Variants in FBXL5 observed in about 807,000 individuals in gnomAD.
FBXL5 encodes the protein F-box and leucine rich repeat protein 5, also known as F-box/LRR-repeat protein 5.
A neutral mutation model predicts 78.3 loss-of-function variants in FBXL5; 26 were observed. The observed-to-expected ratio is 0.33, with a 90% confidence interval of 0.24 to 0.46. The LOEUF (loss-of-function observed/expected upper bound fraction) is 0.46. Ranked by LOEUF, FBXL5 falls within the 20% of genes least tolerant of loss-of-function variation. The pLI is 1.00. For missense variants in FBXL5, 710 were observed against 829.2 expected, an observed-to-expected ratio of 0.86 and a Z score of 1.77; for synonymous variants, 295 against 282.5, an observed-to-expected ratio of 1.04 and a Z score of -0.45.
At chr4:15,612,490 A>G in intron 9 of FBXL5, 76 bp from the exon 10 acceptor site, 1 of 1,315,590 alleles carries the variant, frequency 7.6e-7, no homozygotes. Context: ...TCACTGAACC[A>G]CTATTTTACA....
intron 1 of FBXL5, among the ~76,000 whole-genome samples, chr4:15,666,897 G>A (rs1416298568): frequency 1.3e-5 from 2 of 151,622 alleles, no homozygotes; most frequent in African/African-American, 4.9e-5. Flanking sequence ...GGCAAATGGA[G>A]TGCTAAATGT....
chr4:15,604,716 A>G lies in FBXL5; in HGVS notation c.*1007T>C, dbSNP rs941788577. 1.3e-5 allele frequency: 2 copies of G among 152,238 alleles called. No homozygotes were observed. The highest frequency in any genetic ancestry group is 1.3e-4 in the Admixed American group (2 of 15,288). The allele number at this position is 152,238 out of a possible 1,614,324, so 9.4% of individuals were successfully genotyped here. A position where few individuals can be genotyped will look rare whatever the true frequency, so the allele number is the denominator to read the frequency against. ...GAGGAACATTGCCATTTTCTTCTAC[A>G]TGACATAAAATTGTACTAAAAGGCA... On this transcript the variant is annotated 3_prime_UTR_variant, in exon 11 of 11. Coordinates refer to ENST00000341285, the MANE Select transcript of FBXL5 (RefSeq NM_012161.4).
intron 1 of FBXL5, among the ~76,000 whole-genome samples, chr4:15,668,458 T>C (rs1351356279): frequency 8.0e-6 from 1 of 125,582 alleles, no homozygotes; most frequent in Non-Finnish European, 1.9e-5. Context: ...ATCACATTCT[T>C]TTATTTTTTT....
At chr4:15,631,342 A>C (rs1300996187) in intron 5 of FBXL5, among the ~76,000 whole-genome samples, 2 of 152,164 alleles carry the variant, frequency 1.3e-5, no homozygotes, top group African/African-American at 4.8e-5. Flanking sequence ...GTTGGTTCCA[A>C]GTCTTTGCTA....
intron 10 of FBXL5, among the ~76,000 whole-genome samples, chr4:15,610,079 G>A (rs530558905): frequency 1.3e-5 from 2 of 151,780 alleles, no homozygotes; most frequent in Non-Finnish European, 1.5e-5. Flanking sequence ...CTAATACCAC[G>A]TATTAAAACA....
chr4:15,665,649 C>A (rs1340439901), intron 1 of FBXL5, among the ~76,000 whole-genome samples: 1 of 152,110 alleles, frequency 6.6e-6, no homozygotes, highest in East Asian at 1.9e-4. Context: ...AGAGCCCCGA[C>A]ATGTTTTTAA....
intron 10 of FBXL5, among the ~76,000 whole-genome samples, chr4:15,611,720 T>C (rs1287811530): frequency 6.6e-6 from 1 of 152,108 alleles, no homozygotes; most frequent in Non-Finnish European, 1.5e-5. Flanking sequence ...GGAATTCTAG[T>C]CATGTCTAAA....
upstream of FBXL5, among the ~76,000 whole-genome samples, chr4:15,656,946 G>A (rs10939631): frequency 0.065 from 9,802 of 150,170 alleles, 587 homozygotes; most frequent in East Asian, 0.22. Context: ...GGATCTGACA[G>A]TACCCCCAGA....
At chr4:15,645,325 G>A (rs1326254069) in intron 1 of FBXL5, among the ~76,000 whole-genome samples, 2 of 152,144 alleles carry the variant, frequency 1.3e-5, no homozygotes, top group Non-Finnish European at 2.9e-5. Context: ...TGCGGATTAT[G>A]CATTTTAAGA....
chr4:15,663,799 A>G (rs1437395878), upstream of FBXL5, among the ~76,000 whole-genome samples: 2 of 152,108 alleles, frequency 1.3e-5, no homozygotes, highest in East Asian at 3.9e-4. Flanking sequence ...CCAAAAGTGA[A>G]CTCACCATTT....
intron 2 of FBXL5, 95 bp from the exon 3 acceptor site, chr4:15,640,978 G>A (rs1351057447): frequency 1.7e-6 from 1 of 582,400 alleles, no homozygotes; most frequent in East Asian, 3.2e-5. Flanking sequence ...AAAACCTCCG[G>A]GGAAAAAAAA....
chr4:15,679,427 T>G (rs1039526850), intron 1 of FBXL5, among the ~76,000 whole-genome samples: 5 of 152,030 alleles, frequency 3.3e-5, no homozygotes, highest in Non-Finnish European at 5.9e-5. Flanking sequence ...TGAGTAATAT[T>G]TACCCAAGTC....
intron 5 of FBXL5, 116 bp from the exon 6 acceptor site, chr4:15,630,907 G>A (rs946771920): frequency 2.5e-5 from 33 of 1,316,056 alleles, no homozygotes; most frequent in Non-Finnish European, 2.9e-5. Flanking sequence ...CTGAGCCCTA[G>A]GCAATAAGCA....
At chr4:15,639,820 T>C (rs1032015449) in intron 3 of FBXL5, among the ~76,000 whole-genome samples, 4 of 152,220 alleles carry the variant, frequency 2.6e-5, no homozygotes, top group Non-Finnish European at 5.9e-5. Flanking sequence ...TTTTGTTTGT[T>C]TGTTTAAATA....
At position 15,605,694 on chromosome 4, in the gene FBXL5, T is replaced by C. The variant is rs1038388034; in HGVS notation, c.*29A>G. ...ATGAAAGAAAGCCTGCTCAGCTAAA[T>C]GAAGTAGACAAAGATCAGAAGTCAA... On this transcript the variant is annotated 3_prime_UTR_variant, in exon 11 of 11. Transcript: ENST00000341285. 1.9e-6 allele frequency: 3 copies of C among 1,600,680 alleles called. No individual in the cohort carries two copies. The African/African-American group carries it at 4.0e-5, about 21-fold the overall frequency.
At chr4:15,680,476 G>A (rs747879834) in intron 1 of FBXL5, among the ~76,000 whole-genome samples, 26 of 152,116 alleles carry the variant, frequency 1.7e-4, no homozygotes, top group Non-Finnish European at 3.1e-4. Context: ...TTCGAGACCA[G>A]CCTGGCCAAA....
intron 9 of FBXL5, 77 bp downstream of exon 9, chr4:15,625,175 C>T: frequency 6.8e-7 from 1 of 1,474,430 alleles, no homozygotes. Flanking sequence ...AAAAGAATGA[C>T]TTAGATCAAA....
intron 7 of FBXL5, among the ~76,000 whole-genome samples, 176 bp from the exon 8 acceptor site, chr4:15,627,131 CTTTTT>C (rs33920814): frequency 5.7e-5 from 5 of 87,828 alleles, no homozygotes; most frequent in Non-Finnish European, 6.6e-5. Context: ...CTGAGAATCT[CTTTTT>C]TTTTTTTTTT....
chr4:15,626,799 T>C (rs1713107092), intron 8 of FBXL5, 74 bp downstream of exon 8: 4 of 1,066,664 alleles, frequency 3.8e-6, no homozygotes, highest in Non-Finnish European at 5.4e-6. Context: ...AATAGTATGA[T>C]TAAACTGCAA....
Sources: allele counts gnomAD v4.1 joint callset (sites outside exome capture counted in the v4.1 genomes callset), GRCh38; gene constraint gnomAD v4.1.1; transcripts MANE v1.5; gene names NCBI Gene and HGNC (gene_info 2026-07-23, HGNC 2026-07-21).